The following LRRC49 variants were observed in gnomAD, a reference collection of about 807,000 sequenced individuals.
The protein encoded by LRRC49 is leucine rich repeat containing 49.
In LRRC49, 50 loss-of-function variants were observed where a neutral mutation model predicts 83.3. The observed-to-expected ratio is 0.60, with a 90% CI of 0.48 to 0.76. LRRC49 has a LOEUF of 0.76. LRRC49 is among the 30% of genes least tolerant of loss of function. The pLI is 0.00. For synonymous variants in LRRC49, 286 were observed against 283.3 expected (o/e 1.01, Z -0.10); for missense variants, 704 against 809.1 (o/e 0.87, Z 1.58).
chr15:71,010,133 T>A (rs1305541953), intron 13 of LRRC49, 141 bp downstream of exon 13: 2 of 484,342 alleles, frequency 4.1e-6, no homozygotes, highest in Non-Finnish European at 6.9e-6. Context: ...ATTTAAAATG[T>A]CAAAAGGCTA....
chr15:70,879,165 G>A (rs958813975), intron 2 of LRRC49, among the ~76,000 whole-genome samples: 10 of 152,108 alleles, frequency 6.6e-5, no homozygotes, highest in African/African-American at 2.2e-4. Flanking sequence ...TGCCAGTTTC[G>A]ATAGCTTGTC....
intron 1 of LRRC49, among the ~76,000 whole-genome samples, chr15:70,872,214 C>T (rs1285477056): frequency 6.6e-6 from 1 of 152,210 alleles, no homozygotes; most frequent in Non-Finnish European, 1.5e-5. Context: ...GCCAACACGG[C>T]GAAACCCCGT....
chr15:71,007,265 A>C (rs1289138625), intron 11 of LRRC49, among the ~76,000 whole-genome samples: 1 of 152,002 alleles, frequency 6.6e-6, no homozygotes, highest in African/African-American at 2.4e-5. Context: ...TTCATTCAGT[A>C]TACATTGTTA....
chr15:70,854,277 C>G, intron 1 of LRRC49: 2 of 215,308 alleles, frequency 9.3e-6, no homozygotes, highest in Non-Finnish European at 1.6e-5. Flanking sequence ...CCACCCCGAC[C>G]GCTAGTGGAG....
intron 8 of LRRC49, among the ~76,000 whole-genome samples, chr15:70,956,198 TG>T (rs2036394281): frequency 1.3e-5 from 2 of 152,190 alleles, no homozygotes; most frequent in African/African-American, 2.4e-5. Flanking sequence ...CATGCATATA[TG>T]GGAATTTTAT....
intron 1 of LRRC49, among the ~76,000 whole-genome samples, chr15:70,862,316 C>T (rs963011461): frequency 1.3e-5 from 2 of 152,136 alleles, no homozygotes; most frequent in South Asian, 2.1e-4. Context: ...CGGTGGCTCA[C>T]GCCTGTAATC....
Position 70,911,581 on chromosome 15 carries a change from G to A in LRRC49, c.550G>A (p.Asp184Asn). 6.4e-7 allele frequency: 1 copy of A among 1,571,122 alleles called. No individual in the cohort carries two copies. The change falls in exon 6 of 16, where the codon GAT becomes AAT. Residue 184 changes from aspartate to asparagine, a missense_variant. By Grantham distance (23) the Asp-to-Asn change is conservative (BLOSUM62 1). This residue lies in a region of LRRC49 where 261 missense variants were observed against 330.5 expected (regional missense o/e 0.79). Coordinates refer to ENST00000260382, the MANE Select transcript of LRRC49 (RefSeq NM_017691.5). ...GAATCTAAAAAGCTTAGATGTCTTG[G>A]ATCTTCATGGAAATCAGGTATTGTA... is the stretch of plus-strand genomic sequence containing the variant. ...LENLKSLDVL[D>N]LHGNQITKIE...
intron 5 of LRRC49, among the ~76,000 whole-genome samples, chr15:70,904,958 T>G (rs931045502): frequency 8.5e-5 from 13 of 152,206 alleles, no homozygotes; most frequent in African/African-American, 3.1e-4. Context: ...AGATAACGTT[T>G]ATTATGTATT....
At chr15:70,898,399 G>C (rs762554553) in intron 3 of LRRC49, 2 of 701,430 alleles carry the variant, frequency 2.9e-6, no homozygotes, top group Non-Finnish European at 5.2e-6. Flanking sequence ...TGTAAAATGA[G>C]GTCCATCACC....
chr15:70,892,503 G>C (rs1216150516), upstream of LRRC49: 2 of 1,525,864 alleles, frequency 1.3e-6, no homozygotes, highest in Non-Finnish European at 1.8e-6. Flanking sequence ...CCAGGAGCCA[G>C]TGGACACAAG....
chr15:70,892,809 G>A, upstream of LRRC49: 1 of 1,613,530 alleles, frequency 6.2e-7, no homozygotes, highest in Non-Finnish European at 8.5e-7. Context: ...TTGCCTGGGA[G>A]ATGACCTCTT....
intron 5 of LRRC49, among the ~76,000 whole-genome samples, chr15:70,910,689 T>A (rs1417811907): frequency 6.6e-6 from 1 of 152,206 alleles, no homozygotes; most frequent in African/African-American, 2.4e-5. Context: ...GATCCTATTA[T>A]GAATACCCTT....
intron 8 of LRRC49, among the ~76,000 whole-genome samples, chr15:70,937,343 T>G (rs1407339476): frequency 2.6e-5 from 4 of 152,230 alleles, no homozygotes; most frequent in African/African-American, 9.6e-5. Context: ...GTTTTCTAAC[T>G]ATTTGAAGCA....
intron 14 of LRRC49, among the ~76,000 whole-genome samples, chr15:71,029,538 G>A (rs182517811): frequency 1.1e-4 from 17 of 152,128 alleles, no homozygotes; most frequent in South Asian, 4.2e-4. Flanking sequence ...TATTAGGTTC[G>A]CTTGGTCCAG....
intron 14 of LRRC49, among the ~76,000 whole-genome samples, chr15:71,018,594 C>T (rs2038900992): frequency 6.6e-6 from 1 of 152,122 alleles, no homozygotes; most frequent in Admixed American, 6.5e-5. Flanking sequence ...CCTGCTCTTA[C>T]ACACCATTCA....
intron 3 of LRRC49, 130 bp downstream of exon 3, chr15:70,896,066 G>T: frequency 3.4e-6 from 2 of 593,742 alleles, no homozygotes; most frequent in Non-Finnish European, 5.7e-6. Flanking sequence ...GACCAAATTG[G>T]TTTGGTATTT....
chr15:70,895,948 G>A lies in LRRC49; in HGVS notation c.193+12G>A. 6.7e-7 allele frequency: 1 copy of A among 1,492,976 alleles called. No individual in the cohort carries two copies. Among genetic ancestry groups the A allele is most frequent in the Non-Finnish European group, 9.3e-7 (1 of 1,075,884 alleles). The allele number at this position is 1,492,976 out of a possible 1,614,324, so 92.5% of individuals were successfully genotyped here. A position where few individuals can be genotyped will look rare whatever the true frequency, so the allele number is the denominator to read the frequency against. ...CTCAAGTAGGCAAGGTATTGTCAGT[G>A]AATAGAGATCAGATGTGGTTCATCA... On this transcript the variant is annotated intron_variant, in intron 3 of 15. Coordinates refer to ENST00000260382, the MANE Select transcript of LRRC49 (RefSeq NM_017691.5).
At chr15:70,870,754 T>C (rs1476384747) in intron 1 of LRRC49, among the ~76,000 whole-genome samples, 1 of 152,144 alleles carries the variant, frequency 6.6e-6, no homozygotes, top group East Asian at 1.9e-4. Context: ...CCGCCCAAAG[T>C]GTTGGGATTA....
At chr15:70,938,053 A>G (rs2035664238) in intron 8 of LRRC49, among the ~76,000 whole-genome samples, 1 of 152,098 alleles carries the variant, frequency 6.6e-6, no homozygotes, top group Non-Finnish European at 1.5e-5. Context: ...TTTAAGATAC[A>G]AACTTTTAGA....
Sources: allele counts gnomAD v4.1 joint callset (sites outside exome capture counted in the v4.1 genomes callset), GRCh38; gene constraint gnomAD v4.1.1; regional missense constraint gnomAD v4.1.1; transcripts MANE v1.5; gene names NCBI Gene and HGNC (gene_info 2026-07-23, HGNC 2026-07-21).